CBFB: variants seen among roughly 807,000 people sequenced by gnomAD.
CBFB encodes the protein core-binding factor subunit beta.
Under a neutral mutation model 30.4 loss-of-function variants are expected in CBFB, and 9 were observed. The ratio of observed to expected loss-of-function variants is 0.30; its 90% confidence interval spans 0.18 to 0.52. CBFB has a LOEUF of 0.52. Ranked by LOEUF, CBFB falls within the 20% of genes least tolerant of loss-of-function variation. The pLI, the probability that CBFB is intolerant of heterozygous loss-of-function variation, is 0.97. For missense variants in CBFB, 170 were observed against 244.0 expected, an observed-to-expected ratio of 0.70 and a Z score of 2.02; for synonymous variants, 94 against 84.0, an observed-to-expected ratio of 1.12 and a Z score of -0.65.
chr16:67,031,985 C>T (rs575397542), intron 2 of CBFB, among the ~76,000 whole-genome samples: 5 of 152,128 alleles, frequency 3.3e-5, no homozygotes, highest in Non-Finnish European at 5.9e-5. Flanking sequence ...CGTCACCATA[C>T]GCAGCCCCAT....
rs191617970 is a variant in CBFB, at chr16:67,064,776, T to G, written c.283-1906T>G. 3.2e-4 allele frequency among the ~76,000 whole-genome samples: 48 copies of G among 152,328 alleles called. No homozygotes were observed. The East Asian group carries it at 6.4e-3, about 20-fold the overall frequency. On this transcript the variant is annotated intron_variant, in intron 3 of 5. Coordinates refer to ENST00000412916, the MANE Select transcript of CBFB (RefSeq NM_022845.3). Reference sequence around the variant, plus strand: ...CCTAAAGCAATTTTTATTCTAGAGTTATTTATTTACTTGAAAAAGAATGGT... The same window carrying G: ...CCTAAAGCAATTTTTATTCTAGAGTGATTTATTTACTTGAAAAAGAATGGT...
At chr16:67,075,197 ATGTG>A (rs57425666) in intron 4 of CBFB, among the ~76,000 whole-genome samples, 7,375 of 142,738 alleles carry the variant, frequency 0.052, 498 homozygotes, top group African/African-American at 0.16. Context: ...CTCAAAAAAA[ATGTG>A]TGTGTGTGTG....
intron 2 of CBFB, among the ~76,000 whole-genome samples, chr16:67,035,135 A>G (rs564955219): frequency 1.3e-5 from 2 of 152,076 alleles, no homozygotes; most frequent in African/African-American, 4.8e-5. Context: ...GCTGGAGCAC[A>G]GTGGTGCAAT....
Position 67,036,565 on chromosome 16 carries a change from A to G in CBFB, c.166-74A>G, listed in dbSNP as rs924221099. Reference sequence around the variant, plus strand: ...CCTGGCTTAAGACATAAACTGATGTAAAAATAAATGACTGCTTGCATAATT... The same window carrying G: ...CCTGGCTTAAGACATAAACTGATGTGAAAATAAATGACTGCTTGCATAATT... On this transcript the variant is annotated intron_variant, in intron 2 of 5. Coordinates refer to ENST00000412916, the MANE Select transcript of CBFB (RefSeq NM_022845.3). 3 of 866,206 alleles carry G rather than the reference A, an allele frequency of 3.5e-6. No homozygotes were observed. The African/African-American group carries it at 5.0e-5, about 14-fold the overall frequency. 53.7% of individuals were successfully genotyped at this position (866,206 alleles called of 1,614,324 possible).
chr16:67,094,253 C>T (rs970823957), intron 5 of CBFB, among the ~76,000 whole-genome samples: 1 of 151,702 alleles, frequency 6.6e-6, no homozygotes, highest in Non-Finnish European at 1.5e-5. Flanking sequence ...CCACCGTGTC[C>T]GGGCCCCTCA....
intron 3 of CBFB, among the ~76,000 whole-genome samples, chr16:67,047,998 G>A (rs1429808363): frequency 1.3e-5 from 2 of 152,160 alleles, no homozygotes; most frequent in South Asian, 2.1e-4. Flanking sequence ...GAACCTGGGA[G>A]GCAGAGGGTG....
intron 2 of CBFB, among the ~76,000 whole-genome samples, chr16:67,033,455 G>C (rs1966387235): frequency 6.6e-6 from 1 of 151,778 alleles, no homozygotes; most frequent in African/African-American, 2.4e-5. Context: ...TGACTTGCTG[G>C]GATTACAGGC....
chr16:67,071,965 C>A (rs940491820), intron 4 of CBFB, among the ~76,000 whole-genome samples: 1 of 152,156 alleles, frequency 6.6e-6, no homozygotes, highest in African/African-American at 2.4e-5. Flanking sequence ...GCCTCACTTC[C>A]ATGGCCCAAC....
chr16:67,085,301 C>T (rs1001064867), intron 5 of CBFB, among the ~76,000 whole-genome samples: 3 of 151,740 alleles, frequency 2.0e-5, no homozygotes, highest in Non-Finnish European at 2.9e-5. Context: ...TTCTGAGTAG[C>T]TGGGATTACA....
intron 3 of CBFB, among the ~76,000 whole-genome samples, chr16:67,050,435 A>G (rs1007641207): frequency 2.6e-5 from 4 of 151,866 alleles, no homozygotes; most frequent in African/African-American, 9.7e-5. Context: ...ATATACATAT[A>G]TACGTATGAT....
At chr16:67,030,002 C>T (rs1461683427) in intron 2 of CBFB, 189 bp downstream of exon 2, 5 of 469,270 alleles carry the variant, frequency 1.1e-5, no homozygotes, top group African/African-American at 4.2e-5. Flanking sequence ...AGACGCTTTT[C>T]CTGGGGCTCG....
chr16:67,089,514 C>T (rs1201826273), intron 5 of CBFB, among the ~76,000 whole-genome samples: 4 of 152,138 alleles, frequency 2.6e-5, no homozygotes, highest in Admixed American at 2.6e-4. Flanking sequence ...ACAGAAGATT[C>T]TAGACCTTGC....
chr16:67,068,168 C>A (rs1171876597), intron 4 of CBFB, among the ~76,000 whole-genome samples: 1 of 152,042 alleles, frequency 6.6e-6, no homozygotes, highest in African/African-American at 2.4e-5. Flanking sequence ...CCAGGAACAA[C>A]CCCCCAGAAA....
At chr16:67,050,448 A>G (rs1966720211) in intron 3 of CBFB, among the ~76,000 whole-genome samples, 2 of 151,866 alleles carry the variant, frequency 1.3e-5, no homozygotes, top group Non-Finnish European at 2.9e-5. Flanking sequence ...CGTATGATAA[A>G]GTTTAGTTTA....
chr16:67,096,345 G>A (rs1380053757), intron 5 of CBFB, among the ~76,000 whole-genome samples: 2 of 151,886 alleles, frequency 1.3e-5, no homozygotes, highest in African/African-American at 4.8e-5. Context: ...GTTAATTCAT[G>A]GAAAGTACTT....
chr16:67,072,505 C>T (rs997034377), intron 4 of CBFB, among the ~76,000 whole-genome samples: 2 of 150,450 alleles, frequency 1.3e-5, no homozygotes, highest in South Asian at 2.1e-4. Context: ...CTTGCTCTCT[C>T]ACCCCGGCTG....
At chr16:67,059,059 T>C (rs892232461) in intron 3 of CBFB, among the ~76,000 whole-genome samples, 1 of 152,212 alleles carries the variant, frequency 6.6e-6, no homozygotes, top group African/African-American at 2.4e-5. Context: ...TGCCATCCCT[T>C]TGTACCTTTA....
At chr16:67,077,234 G>GA (rs561795720) in intron 4 of CBFB, among the ~76,000 whole-genome samples, 4 of 152,060 alleles carry the variant, frequency 2.6e-5, no homozygotes, top group Non-Finnish European at 4.4e-5. Flanking sequence ...TCAGTATAAT[G>GA]ACCTTGCAAA....
In CBFB at chr16:67,036,694, A is replaced by G. The variant is rs2145713482; in HGVS notation, c.221A>G (p.Gln74Arg). 6.2e-7 allele frequency: 1 copy of G among 1,614,002 alleles called. No individual in the cohort carries two copies. Residue 74 changes from glutamine to arginine, a missense_variant, in exon 3 of 6, where the codon CAG becomes CGG. By Grantham distance (43) the Gln-to-Arg change is conservative. Transcript: ENST00000412916. ...CTCCAGTTTTTTCCGGCCAGCTGGCAGGGAGAACAGCGACAAACACCTAGC... is the reference window on the plus strand; with the variant it reads ...CTCCAGTTTTTTCCGGCCAGCTGGCGGGGAGAACAGCGACAAACACCTAGC... ...LSLQFFPASW[Q>R]GEQRQTPSRE...
Sources: allele counts gnomAD v4.1 joint callset (sites outside exome capture counted in the v4.1 genomes callset), GRCh38; gene constraint gnomAD v4.1.1; transcripts MANE v1.5; gene names NCBI Gene and HGNC (gene_info 2026-07-23, HGNC 2026-07-21).